The following DOCK4 variants were observed in gnomAD, a reference collection of about 807,000 sequenced individuals.
DOCK4 encodes dedicator of cytokinesis protein 4.
Under a neutral mutation model 268.1 loss-of-function variants are expected in DOCK4, and 97 were observed. The observed-to-expected ratio is 0.36, with a 90% CI of 0.31 to 0.43. The LOEUF is 0.43. Ranked by LOEUF, DOCK4 falls within the 20% of genes least tolerant of loss-of-function variation. The probability of loss-of-function intolerance (pLI) is 1.00; values close to 1 mark genes in which losing one functional copy is unlikely to be tolerated. For missense variants in DOCK4, 2,145 were observed against 2,455.7 expected, an observed-to-expected ratio of 0.87 and a Z score of 2.67; for synonymous variants, 954 against 887.2, an observed-to-expected ratio of 1.08 and a Z score of -1.34.
intron 52 of DOCK4, among the ~76,000 whole-genome samples, chr7:111,729,297 C>T (rs1441780369): frequency 2.0e-5 from 3 of 152,116 alleles, no homozygotes; most frequent in Admixed American, 6.5e-5. Context: ...TGGTGGCTCA[C>T]GCCTGTAATC....
intron 25 of DOCK4, among the ~76,000 whole-genome samples, chr7:111,842,087 C>T (rs778829184): frequency 3.9e-5 from 6 of 152,170 alleles, no homozygotes; most frequent in Non-Finnish European, 8.8e-5. Flanking sequence ...GACATCCTTC[C>T]TCTTCCACGT....
In DOCK4 at chr7:111,751,192, T is replaced by TCTAA. The variant is rs200005033; in HGVS notation, c.4417-3753_4417-3750dup. Reference sequence around the variant, plus strand: ...GCAAACATTTTATCAAGTCTCTAGTTCTAACTACCAATTTACAAGGAATAC... The same window carrying TCTAA: ...GCAAACATTTTATCAAGTCTCTAGTTCTAACTAACTACCAATTTACAAGGAATAC... On this transcript the variant is annotated intron_variant, in intron 42 of 52. Transcript: ENST00000428084. Among the ~76,000 whole-genome samples the TCTAA allele has an allele frequency of 2.0e-4, 31 of 152,286 alleles. 1 individual carries two copies. In the East Asian group the frequency reaches 6.0e-3, roughly 29 times the overall value.
At chr7:112,195,997 C>T (rs1820390243) in intron 1 of DOCK4, among the ~76,000 whole-genome samples, 1 of 152,140 alleles carries the variant, frequency 6.6e-6, no homozygotes, top group Non-Finnish European at 1.5e-5. Flanking sequence ...ATGTCATGCT[C>T]TCCCCTCTTC....
intron 1 of DOCK4, among the ~76,000 whole-genome samples, chr7:112,165,153 T>C (rs770610259): frequency 2.6e-5 from 4 of 152,212 alleles, no homozygotes; most frequent in Non-Finnish European, 4.4e-5. Context: ...GTATATAACA[T>C]GTAGTGATGA....
At chr7:111,872,198 G>C in intron 19 of DOCK4, 71 bp downstream of exon 19, 1 of 1,373,464 alleles carries the variant, frequency 7.3e-7, no homozygotes, top group Non-Finnish European at 9.9e-7. Flanking sequence ...ACATGTTTCT[G>C]AACCAGCCTC....
chr7:112,098,670 T>C (rs550999146), intron 1 of DOCK4, among the ~76,000 whole-genome samples: 5 of 149,718 alleles, frequency 3.3e-5, no homozygotes, highest in African/African-American at 7.3e-5. Context: ...TGTAATTTTA[T>C]GTAATTATAT....
chr7:111,952,113 C>A (rs991248410), intron 8 of DOCK4, among the ~76,000 whole-genome samples: 2 of 150,616 alleles, frequency 1.3e-5, no homozygotes, highest in Non-Finnish European at 3.0e-5. Flanking sequence ...AAAAATCAAC[C>A]AAATAAATGA....
intron 1 of DOCK4, among the ~76,000 whole-genome samples, chr7:112,019,511 TA>T (rs1430697124): frequency 6.6e-6 from 1 of 152,178 alleles, no homozygotes; most frequent in Admixed American, 6.5e-5. Context: ...TTCTGGAAGT[TA>T]AAAAGCAATC....
chr7:111,790,454 T>C lies in DOCK4; in HGVS notation c.3315+3A>G, dbSNP rs770363869. 5 of 1,613,598 alleles carry C rather than the reference T, an allele frequency of 3.1e-6. No individual in the cohort carries two copies. Among genetic ancestry groups the C allele is most frequent in the Non-Finnish European group, 4.2e-6 (5 of 1,179,686 alleles). ...AACTCTTCTGAGGAGCACTTCTGCCTACCTGTTTAAAGTTGCCACTCCGCC... is the reference window on the plus strand; with the variant it reads ...AACTCTTCTGAGGAGCACTTCTGCCCACCTGTTTAAAGTTGCCACTCCGCC... On this transcript the variant is annotated splice_donor_region_variant and intron_variant, in intron 31 of 52. Transcript: ENST00000428084.
intron 17 of DOCK4, among the ~76,000 whole-genome samples, chr7:111,873,834 G>A (rs1308120200): frequency 2.0e-5 from 3 of 152,060 alleles, no homozygotes; most frequent in Non-Finnish European, 2.9e-5. Flanking sequence ...CAACAAACAC[G>A]GGTAAGAGGA....
At chr7:112,136,441 C>T (rs892971602) in intron 1 of DOCK4, among the ~76,000 whole-genome samples, 2 of 152,116 alleles carry the variant, frequency 1.3e-5, no homozygotes, top group Non-Finnish European at 2.9e-5. Context: ...CAGACAATTA[C>T]GAGAAGATAA....
At chr7:112,196,980 T>C (rs1820509964) in intron 1 of DOCK4, among the ~76,000 whole-genome samples, 1 of 152,174 alleles carries the variant, frequency 6.6e-6, no homozygotes, top group South Asian at 2.1e-4. Flanking sequence ...TTGTTAACTA[T>C]AATCACCACG....
At chr7:111,753,349 C>CT (rs1311956059) in intron 42 of DOCK4, among the ~76,000 whole-genome samples, 1 of 152,088 alleles carries the variant, frequency 6.6e-6, no homozygotes, top group Non-Finnish European at 1.5e-5. Flanking sequence ...ATGGCACATG[C>CT]TTGTGGTCCC....
At chr7:112,028,501 C>G (rs188949010) in intron 1 of DOCK4, among the ~76,000 whole-genome samples, 1 of 152,310 alleles carries the variant, frequency 6.6e-6, no homozygotes, top group African/African-American at 2.4e-5. Flanking sequence ...AATCTCAGCA[C>G]TAAAGGTTTA....
At chr7:112,131,728 A>T (rs1720960428) in intron 1 of DOCK4, among the ~76,000 whole-genome samples, 1 of 152,256 alleles carries the variant, frequency 6.6e-6, no homozygotes, top group African/African-American at 2.4e-5. Flanking sequence ...AAAAAAAATC[A>T]TATGGCATAG....
chr7:112,104,727 G>A (rs151160486), intron 1 of DOCK4, among the ~76,000 whole-genome samples: 18 of 152,248 alleles, frequency 1.2e-4, no homozygotes, highest in African/African-American at 3.6e-4. Flanking sequence ...TATAAAAAGC[G>A]TAAGGAAGAA....
At chr7:112,000,402 C>T in intron 3 of DOCK4, 92 bp downstream of exon 3, 1 of 861,088 alleles carries the variant, frequency 1.2e-6, no homozygotes, top group Non-Finnish European at 1.8e-6. Flanking sequence ...CAACTGAGTC[C>T]CAACTGTAAT....
chr7:111,912,744 G>C (rs57281879), intron 13 of DOCK4, among the ~76,000 whole-genome samples: 1 of 152,126 alleles, frequency 6.6e-6, no homozygotes, highest in East Asian at 1.9e-4. Context: ...GGTATAGACA[G>C]AACCAAGGCT....
intron 7 of DOCK4, among the ~76,000 whole-genome samples, chr7:111,983,241 A>G (rs777514973): frequency 6.6e-6 from 1 of 152,226 alleles, no homozygotes; most frequent in Non-Finnish European, 1.5e-5. Flanking sequence ...ATACATCCCC[A>G]GTGGACTTAC....
Sources: allele counts gnomAD v4.1 joint callset (sites outside exome capture counted in the v4.1 genomes callset), GRCh38; gene constraint gnomAD v4.1.1; transcripts MANE v1.5; gene names NCBI Gene and HGNC (gene_info 2026-07-23, HGNC 2026-07-21).